RASSF8: variants seen among roughly 807,000 people sequenced by gnomAD.
The protein encoded by RASSF8 is Ras association domain family member 8, also known as ras association domain-containing protein 8.
In RASSF8, 22 loss-of-function variants were observed where a neutral mutation model predicts 48.5. The observed-to-expected ratio is 0.45, with a 90% CI of 0.32 to 0.65. The LOEUF is 0.65. Among genes scored for constraint, RASSF8 ranks in the 30% least tolerant of loss-of-function variants. RASSF8 has a pLI of 0.03. For synonymous variants in RASSF8, 127 were observed against 171.5 expected (o/e 0.74, Z 2.03); for missense variants, 418 against 489.2 (o/e 0.85, Z 1.37).
intron 1 of RASSF8, among the ~76,000 whole-genome samples, chr12:25,990,122 CTAATCT>C (rs898531613): frequency 1.7e-4 from 26 of 152,120 alleles, no homozygotes; most frequent in Admixed American, 1.4e-3. Flanking sequence ...ATCAAGTCAC[CTAATCT>C]TAACCTCAAC....
chr12:25,986,926 T>TTG (rs1555160454), intron 1 of RASSF8, among the ~76,000 whole-genome samples: 15 of 146,698 alleles, frequency 1.0e-4, no homozygotes, highest in South Asian at 2.2e-4. Flanking sequence ...CGTTTTTTTT[T>TTG]TTTGTTTGTT....
intron 2 of RASSF8, among the ~76,000 whole-genome samples, chr12:25,999,908 GAA>G (rs1030358397): frequency 2.0e-5 from 3 of 152,304 alleles, no homozygotes; most frequent in Admixed American, 6.5e-5. Context: ...CTGTAGAAAG[GAA>G]ACTAGTGAAC....
intron 3 of RASSF8, among the ~76,000 whole-genome samples, chr12:26,063,405 GT>G (rs547055420): frequency 1.4e-4 from 20 of 147,680 alleles, no homozygotes; most frequent in East Asian, 3.9e-4. Context: ...TGTTTGTTTT[GT>G]TTTTTTTTTG....
chr12:25,965,331 T>A (rs1252365364), intron 1 of RASSF8, among the ~76,000 whole-genome samples: 1 of 151,324 alleles, frequency 6.6e-6, no homozygotes, highest in African/African-American at 2.4e-5. Context: ...TGTATACACA[T>A]GAAATCATTC....
chr12:25,997,961 G>A (rs1319010230), intron 2 of RASSF8, among the ~76,000 whole-genome samples: 3 of 152,178 alleles, frequency 2.0e-5, no homozygotes, highest in Non-Finnish European at 4.4e-5. Context: ...TTCTGATAAT[G>A]TATCGCAAAC....
At chr12:25,996,674 A>T (rs1439468228) in intron 2 of RASSF8, among the ~76,000 whole-genome samples, 1 of 152,202 alleles carries the variant, frequency 6.6e-6, no homozygotes, top group Non-Finnish European at 1.5e-5. Context: ...CTTGACTTAC[A>T]GTACAAAGAG....
In RASSF8 at chr12:26,070,553, A is replaced by C. The variant is rs1418208190; in HGVS notation, c.*1735A>C. 1.0e-6 allele frequency: 1 copy of C among 980,516 alleles called. No homozygotes were observed. The highest frequency in any genetic ancestry group is 1.1e-4 in the East Asian group (1 of 8,800). The allele number at this position is 980,516 out of a possible 1,614,324, so 60.7% of individuals were successfully genotyped here. A position where few individuals can be genotyped will look rare whatever the true frequency, so the allele number is the denominator to read the frequency against. The stretch of plus-strand genomic sequence containing the variant: ...AAATGATTCTTACCTAAATAACCAC[A>C]ACCTGTACACATTTGCTCACAATTT... On this transcript the variant is annotated 3_prime_UTR_variant, in exon 6 of 6. Transcript: ENST00000689635.
At chr12:25,996,329 A>C (rs1021982940) in intron 2 of RASSF8, among the ~76,000 whole-genome samples, 1 of 152,186 alleles carries the variant, frequency 6.6e-6, no homozygotes, top group East Asian at 1.9e-4. Context: ...GTTCTCTCTG[A>C]TTGTCACTTA....
rs1053090918 is a variant in RASSF8, at chr12:26,070,078, C to T, written c.*1260C>T. The T allele has an allele frequency of 4.1e-5, 40 of 982,432 alleles. No homozygotes were observed. Among genetic ancestry groups the T allele is most frequent in the South Asian group, 4.7e-5 (1 of 21,244 alleles). 60.9% of individuals were successfully genotyped at this position (982,432 alleles called of 1,614,324 possible). Reference sequence around the variant, plus strand: ...ATATTTAGACAGATTCAGTCAGACACCACTTAGCCATTTTTACATTCCCTC... The same window carrying T: ...ATATTTAGACAGATTCAGTCAGACATCACTTAGCCATTTTTACATTCCCTC... On this transcript the variant is annotated 3_prime_UTR_variant, in exon 6 of 6. Coordinates refer to ENST00000689635, the MANE Select transcript of RASSF8 (RefSeq NM_001394098.1).
chr12:26,079,573 A>T (rs1473528673), exon 6 of RASSF8: 1 of 151,466 alleles, frequency 6.6e-6, no homozygotes, highest in African/African-American at 2.4e-5. Context: ...CCTGGGTAAC[A>T]GAGTGAGACT....
chr12:26,010,510 CCCTCCTGATTA>C lies in RASSF8; in HGVS notation c.-109+15383_-109+15393del, dbSNP rs527356095. On this transcript the variant is annotated intron_variant, in intron 2 of 5. Coordinates refer to ENST00000689635, the MANE Select transcript of RASSF8 (RefSeq NM_001394098.1). ...TTTGTGCCCCAGCTGCCTAACCTGC[CCCTCCTGATTA>C]CCCCGGCCCTGGGGAGGGCACTGTG... Among the ~76,000 whole-genome samples the C allele has an allele frequency of 1.4e-3, 214 of 152,278 alleles. 1 individual carries two copies. The highest frequency in any genetic ancestry group is 4.9e-3 in the African/African-American group (205 of 41,550).
chr12:26,071,085 A>G lies in RASSF8; in HGVS notation c.*2267A>G, dbSNP rs1354674066. The G allele has an allele frequency of 1.0e-6, 1 of 978,294 alleles. No homozygotes were observed. The highest frequency in any genetic ancestry group is 6.2e-5 in the Admixed American group (1 of 16,252). 60.6% of individuals were successfully genotyped at this position (978,294 alleles called of 1,614,324 possible). ...AAAATTTCCTAGGCGACGAAAGTAT[A>G]GAAATGTGAATATGTTGAATACATT... is the stretch of plus-strand genomic sequence containing the variant. On this transcript the variant is annotated 3_prime_UTR_variant, in exon 6 of 6. Coordinates refer to ENST00000689635, the MANE Select transcript of RASSF8 (RefSeq NM_001394098.1).
At chr12:26,064,067 A>G (rs572671223) in intron 3 of RASSF8, among the ~76,000 whole-genome samples, 1 of 152,200 alleles carries the variant, frequency 6.6e-6, no homozygotes, top group Non-Finnish European at 1.5e-5. Flanking sequence ...GGATTTCCAC[A>G]GTGGAAATGT....
At chr12:26,021,412 T>C (rs1313536777) in intron 2 of RASSF8, 1 of 152,214 alleles carries the variant, frequency 6.6e-6, no homozygotes, top group Admixed American at 6.5e-5. Context: ...GATCAGGTCT[T>C]AAGGGCTCTA....
At chr12:25,960,120 A>G (rs1293437664) in intron 1 of RASSF8, among the ~76,000 whole-genome samples, 1 of 152,106 alleles carries the variant, frequency 6.6e-6, no homozygotes, top group Non-Finnish European at 1.5e-5. Flanking sequence ...ATTGTGGCTC[A>G]GCAATTCATT....
At chr12:26,067,411 T>TAA (rs1237201733) in intron 4 of RASSF8, among the ~76,000 whole-genome samples, 158 bp from the exon 5 acceptor site, 4 of 152,360 alleles carry the variant, frequency 2.6e-5, no homozygotes, top group African/African-American at 9.6e-5. Context: ...GTGACCTCTT[T>TAA]AGCCCATTGT....
In RASSF8 at chr12:26,072,432, A is replaced by T; in HGVS notation, c.*3614A>T. The T allele has an allele frequency of 1.0e-6, 1 of 975,126 alleles. No individual in the cohort carries two copies. Among genetic ancestry groups the T allele is most frequent in the Non-Finnish European group, 1.2e-6 (1 of 820,594 alleles). The allele number at this position is 975,126 out of a possible 1,614,324, so 60.4% of individuals were successfully genotyped here. On this transcript the variant is annotated 3_prime_UTR_variant, in exon 6 of 6. Coordinates refer to ENST00000689635, the MANE Select transcript of RASSF8 (RefSeq NM_001394098.1). ...GCAGGAGCTCTTTTCAATGCATTTT[A>T]TATATTTTTAGAAACCAAATAAATG... is the stretch of plus-strand genomic sequence containing the variant.
intron 3 of RASSF8, 100 bp from the exon 4 acceptor site, chr12:26,064,398 T>C: frequency 1.7e-6 from 2 of 1,211,818 alleles, no homozygotes; most frequent in South Asian, 3.4e-5. Context: ...GACCCTCTGA[T>C]GCTAATCGAA....
intron 2 of RASSF8, among the ~76,000 whole-genome samples, chr12:26,024,486 G>A (rs1031591887): frequency 6.6e-6 from 1 of 151,152 alleles, no homozygotes; most frequent in African/African-American, 2.4e-5. Context: ...GAATTACCCT[G>A]ATACCAAGAC....
Sources: gnomAD v4.1 joint callset for allele counts (sites outside exome capture counted in the v4.1 genomes callset) on GRCh38, gnomAD v4.1.1 for gene constraint, MANE v1.5 for transcripts, NCBI Gene and HGNC (gene_info 2026-07-23, HGNC 2026-07-21) for gene names.